STAB2: variants seen among roughly 807,000 people sequenced by gnomAD.
STAB2 encodes the protein stabilin-2.
A neutral mutation model predicts 338.1 loss-of-function variants in STAB2; 288 were observed. That is an observed-to-expected ratio of 0.85 (90% CI 0.77 to 0.94). The LOEUF (loss-of-function observed/expected upper bound fraction) is 0.94. STAB2 is among the 40% of genes least tolerant of loss of function. The pLI, the probability that STAB2 is intolerant of heterozygous loss-of-function variation, is 0.00. For synonymous variants in STAB2, 1,202 were observed against 1,193.3 expected, an observed-to-expected ratio of 1.01 and a Z score of -0.15; for missense variants, 3,141 against 3,210.1, an observed-to-expected ratio of 0.98 and a Z score of 0.52.
chr12:103,743,872 C>T (rs1326730362), intron 56 of STAB2, among the ~76,000 whole-genome samples: 1 of 152,130 alleles, frequency 6.6e-6, no homozygotes, highest in African/African-American at 2.4e-5. Context: ...AGAATGCAAT[C>T]TGAAGGTCAC....
At chr12:103,709,490 T>C (rs1358102198) in intron 39 of STAB2, among the ~76,000 whole-genome samples, 2 of 152,182 alleles carry the variant, frequency 1.3e-5, no homozygotes, top group East Asian at 1.9e-4. Context: ...AGAATACCCC[T>C]GGAAGCAGGT....
chr12:103,650,680 C>A, intron 11 of STAB2, 102 bp downstream of exon 11: 1 of 900,714 alleles, frequency 1.1e-6, no homozygotes. Flanking sequence ...TAAAATTAAA[C>A]CTACTGATGA....
intron 60 of STAB2, among the ~76,000 whole-genome samples, chr12:103,752,806 A>G (rs1208450483): frequency 6.6e-6 from 1 of 152,248 alleles, no homozygotes; most frequent in East Asian, 1.9e-4. Flanking sequence ...GCAGTATGCT[A>G]CCACATTTAG....
At chr12:103,742,372 A>C in intron 55 of STAB2, 33 bp from the exon 56 acceptor site, 1 of 1,609,606 alleles carries the variant, frequency 6.2e-7, no homozygotes, top group Non-Finnish European at 8.5e-7. Context: ...GCTTTGGGAG[A>C]CTGTTGAGTC....
rs192551751 is a variant in STAB2, at chr12:103,749,723, C to T, written c.6438+567C>T. Among the ~76,000 whole-genome samples, 183 of 151,050 alleles carry T rather than the reference C, an allele frequency of 1.2e-3. 1 individual carries two copies. The highest frequency in any genetic ancestry group is 4.3e-3 in the African/African-American group (177 of 41,204). On this transcript the variant is annotated intron_variant, in intron 59 of 68. Coordinates refer to ENST00000388887, the MANE Select transcript of STAB2 (RefSeq NM_017564.10). The stretch of plus-strand genomic sequence containing the variant: ...GGCATGGTGGCGGGCACCTGTAGTC[C>T]CAGCTACTCGGGAGGCTGAGGCAGG...
At chr12:103,692,386 T>C in intron 30 of STAB2, among the ~76,000 whole-genome samples, 1 of 128,612 alleles carries the variant, frequency 7.8e-6, no homozygotes, top group East Asian at 2.7e-4. Context: ...AGTATACAAA[T>C]TGTGGGGGCA....
chr12:103,688,365 A>G (rs1877621197), intron 28 of STAB2, 150 bp downstream of exon 28: 1 of 730,654 alleles, frequency 1.4e-6, no homozygotes, highest in Non-Finnish European at 2.3e-6. Flanking sequence ...CTGTGGAACC[A>G]CATGGAACAC....
intron 9 of STAB2, among the ~76,000 whole-genome samples, chr12:103,645,412 G>A (rs1873257203): frequency 6.6e-6 from 1 of 152,210 alleles, no homozygotes; most frequent in Non-Finnish European, 1.5e-5. Context: ...CCTTAGGAAA[G>A]AAAGGCCAAG....
At chr12:103,758,312 T>C in intron 64 of STAB2, 23 bp downstream of exon 64, 1 of 1,611,134 alleles carries the variant, frequency 6.2e-7, no homozygotes, top group Non-Finnish European at 8.5e-7. Flanking sequence ...CCTGGTGCCT[T>C]TGCTTTAGAC....
At chr12:103,589,219 G>A (rs1011813022) in intron 1 of STAB2, among the ~76,000 whole-genome samples, 2 of 152,158 alleles carry the variant, frequency 1.3e-5, no homozygotes, top group Non-Finnish European at 2.9e-5. Flanking sequence ...AATGAACTTA[G>A]AAGCAGTGGT....
At chr12:103,745,665 G>A (rs1471336526) in intron 57 of STAB2, among the ~76,000 whole-genome samples, 1 of 152,172 alleles carries the variant, frequency 6.6e-6, no homozygotes, top group Admixed American at 6.5e-5. Flanking sequence ...CTGACCCCTG[G>A]TTCTGCTACT....
In STAB2 at chr12:103,654,484, G is replaced by C. The variant is rs138039576; in HGVS notation, c.1408-71G>C. 4 of 1,475,860 alleles carry C rather than the reference G, an allele frequency of 2.7e-6. No individual in the cohort carries two copies. The African/African-American group carries it at 5.7e-5, about 21-fold the overall frequency. The allele number at this position is 1,475,860 out of a possible 1,614,324, so 91.4% of individuals were successfully genotyped here. A position where few individuals can be genotyped will look rare whatever the true frequency, so the allele number is the denominator to read the frequency against. Reference sequence around the variant, plus strand: ...CAAAGCCCAAGGACTCAAGACTTCTGACTCTACTCCAGTGCTTGCTCCTTC... The same window carrying C: ...CAAAGCCCAAGGACTCAAGACTTCTCACTCTACTCCAGTGCTTGCTCCTTC... On this transcript the variant is annotated intron_variant, in intron 12 of 68. Transcript: ENST00000388887.
chr12:103,691,441 T>A (rs946073749), intron 30 of STAB2, among the ~76,000 whole-genome samples: 42 of 152,256 alleles, frequency 2.8e-4, no homozygotes, highest in African/African-American at 8.0e-4. Context: ...CTTTTTAATA[T>A]CTTATGATAA....
chr12:103,754,723 G>A (rs1054180071), intron 61 of STAB2, among the ~76,000 whole-genome samples: 10 of 152,152 alleles, frequency 6.6e-5, no homozygotes. Context: ...CCAGAGGCGG[G>A]TGGATCACTT....
intron 26 of STAB2, 81 bp from the exon 27 acceptor site, chr12:103,684,908 T>C (rs1434433949): frequency 2.2e-6 from 3 of 1,390,762 alleles, no homozygotes; most frequent in Non-Finnish European, 3.0e-6. Context: ...TCACCTTAGA[T>C]GGAGCCTGTC....
chr12:103,645,177 A>G (rs1311234599), intron 9 of STAB2, among the ~76,000 whole-genome samples: 3 of 152,232 alleles, frequency 2.0e-5, no homozygotes, highest in South Asian at 2.1e-4. Context: ...GGGTGTTTTT[A>G]AAGCCTTAAG....
At chr12:103,702,297 T>TA (rs1190567481) in intron 34 of STAB2, among the ~76,000 whole-genome samples, 2 of 149,786 alleles carry the variant, frequency 1.3e-5, no homozygotes, top group African/African-American at 2.4e-5. Context: ...ATCAGTTATT[T>TA]TTTTTTTTTT....
At chr12:103,716,004 A>G in intron 43 of STAB2, 116 bp downstream of exon 43, 1 of 1,110,378 alleles carries the variant, frequency 9.0e-7, no homozygotes, top group Admixed American at 2.5e-5. Context: ...GCAGCTGAAA[A>G]TAAATACTTT....
intron 38 of STAB2, 39 bp from the exon 39 acceptor site, chr12:103,708,402 G>A: frequency 6.3e-7 from 1 of 1,596,492 alleles, no homozygotes; most frequent in Non-Finnish European, 8.6e-7. Context: ...TTGAACATGG[G>A]TTAGAATCTG....
Sources: allele counts gnomAD v4.1 joint callset (sites outside exome capture counted in the v4.1 genomes callset), GRCh38; gene constraint gnomAD v4.1.1; transcripts MANE v1.5; gene names NCBI Gene and HGNC (gene_info 2026-07-23, HGNC 2026-07-21).